CSMD1: variants seen among roughly 807,000 people sequenced by gnomAD.
The protein encoded by CSMD1 is CUB and sushi domain-containing protein 1.
A neutral mutation model predicts 417.5 loss-of-function variants in CSMD1; 213 were observed. The observed-to-expected ratio is 0.51, with a 90% CI of 0.46 to 0.57. The LOEUF is 0.57. Among genes scored for constraint, CSMD1 ranks in the 20% least tolerant of loss-of-function variants. The pLI, the probability that CSMD1 is intolerant of heterozygous loss-of-function variation, is 0.00. For missense variants in CSMD1, 6,923 were observed against 4,529.7 expected (o/e 1.53, Z -15.17); for synonymous variants, 2,862 against 1,736.8 (o/e 1.65, Z -16.11).
At chr8:3,948,215 T>C (rs980192207) in intron 5 of CSMD1, among the ~76,000 whole-genome samples, 1 of 151,762 alleles carries the variant, frequency 6.6e-6, no homozygotes, top group Admixed American at 6.6e-5. Flanking sequence ...ATAATAACAA[T>C]AATAATAATA....
chr8:3,060,190 G>A (rs1242693281), intron 49 of CSMD1, among the ~76,000 whole-genome samples: 1 of 145,786 alleles, frequency 6.9e-6, no homozygotes, highest in Non-Finnish European at 1.5e-5. Flanking sequence ...CTGTCGCCCA[G>A]GCTGGAGTGC....
At position 3,118,434 on chromosome 8, in the gene CSMD1, T is replaced by C. The variant is rs1468507589; in HGVS notation, c.6395A>G (p.Asn2132Ser). 6 of 1,613,634 alleles carry C rather than the reference T, an allele frequency of 3.7e-6. No homozygotes were observed. The South Asian group carries it at 4.4e-5, about 12-fold the overall frequency. Reference protein sequence around the residue: ...HPVLTCQHGINRNWNYPFPRC... With the variant: ...HPVLTCQHGISRNWNYPFPRC... Reference sequence around the variant, plus strand: ...TGGAAAAGGGTAGTTCCAGTTTCTGTTGATCCCATGCTGACAAGTGAGGAC... The same window carrying C: ...TGGAAAAGGGTAGTTCCAGTTTCTGCTGATCCCATGCTGACAAGTGAGGAC... The change falls in exon 42 of 70, where the codon AAC becomes AGC. Residue 2132 changes from asparagine to serine, a missense_variant. By Grantham distance (46) the Asn-to-Ser change is conservative (BLOSUM62 1). Coordinates refer to ENST00000635120, the MANE Select transcript of CSMD1 (RefSeq NM_033225.6).
chr8:4,095,227 C>G (rs1473138614), intron 3 of CSMD1, among the ~76,000 whole-genome samples: 3 of 152,166 alleles, frequency 2.0e-5, no homozygotes, highest in Non-Finnish European at 2.9e-5. Flanking sequence ...CTCTCCTTAA[C>G]TCAGGCTGAT....
chr8:3,246,959 G>C (rs1216233617), intron 26 of CSMD1, among the ~76,000 whole-genome samples: 1 of 152,134 alleles, frequency 6.6e-6, no homozygotes, highest in Non-Finnish European at 1.5e-5. Context: ...ATTGCTTATA[G>C]AACTTTTGTA....
intron 3 of CSMD1, among the ~76,000 whole-genome samples, chr8:4,076,723 G>A (rs1563091975): frequency 6.6e-6 from 1 of 152,030 alleles, no homozygotes; most frequent in Non-Finnish European, 1.5e-5. Flanking sequence ...CTCATCTCTG[G>A]CTCTCCAAGC....
intron 47 of CSMD1, among the ~76,000 whole-genome samples, chr8:3,094,943 G>T (rs994050134): frequency 4.0e-4 from 61 of 151,832 alleles, no homozygotes; most frequent in Admixed American, 1.3e-4. Context: ...TTTAAGACCA[G>T]ACAATCCTAG....
At chr8:4,785,786 A>AAGATATAAGTGTTGCCC (rs1281149429) in intron 1 of CSMD1, among the ~76,000 whole-genome samples, 20 of 152,164 alleles carry the variant, frequency 1.3e-4, no homozygotes, top group Non-Finnish European at 2.8e-4. Flanking sequence ...GGAACCTTAT[A>AAGATATAAGTGTTGCCC]AGATATAAGT....
At chr8:4,105,265 A>G (rs1338865559) in intron 3 of CSMD1, among the ~76,000 whole-genome samples, 1 of 152,206 alleles carries the variant, frequency 6.6e-6, no homozygotes, top group East Asian at 1.9e-4. Context: ...GGCCGTATTC[A>G]ACTGTAAGGT....
intron 3 of CSMD1, among the ~76,000 whole-genome samples, chr8:4,117,356 G>A (rs1250052857): frequency 2.6e-5 from 4 of 151,060 alleles, no homozygotes; most frequent in Non-Finnish European, 5.9e-5. Context: ...ATCGCCTCAT[G>A]CTTCATAACA....
At chr8:4,710,113 A>C (rs963812581) in intron 1 of CSMD1, among the ~76,000 whole-genome samples, 2 of 152,212 alleles carry the variant, frequency 1.3e-5, no homozygotes, top group East Asian at 3.9e-4. Flanking sequence ...GCAAGTTCTG[A>C]TAACCTTCGC....
At chr8:4,158,325 C>T (rs934620827) in intron 3 of CSMD1, among the ~76,000 whole-genome samples, 2 of 152,022 alleles carry the variant, frequency 1.3e-5, no homozygotes, top group African/African-American at 4.8e-5. Context: ...ATGCAATCAT[C>T]TCTACTGCAA....
At chr8:3,376,778 T>A (rs11777727) in intron 18 of CSMD1, among the ~76,000 whole-genome samples, 1 of 151,466 alleles carries the variant, frequency 6.6e-6, no homozygotes, top group Non-Finnish European at 1.5e-5. Context: ...CATGTTGATA[T>A]ACAATATTAT....
chr8:4,930,521 G>A (rs1249028096), intron 1 of CSMD1, among the ~76,000 whole-genome samples: 2 of 152,130 alleles, frequency 1.3e-5, no homozygotes, highest in African/African-American at 4.8e-5. Flanking sequence ...CGAGCATACA[G>A]CTGAGTAAGC....
intron 1 of CSMD1, among the ~76,000 whole-genome samples, chr8:4,677,438 C>T (rs1245114824): frequency 1.3e-5 from 2 of 152,030 alleles, no homozygotes; most frequent in African/African-American, 4.8e-5. Flanking sequence ...CGTTCTCTCT[C>T]CAACCTTGTT....
chr8:3,690,945 G>T (rs1332763137), intron 7 of CSMD1, among the ~76,000 whole-genome samples: 3 of 151,962 alleles, frequency 2.0e-5, no homozygotes, highest in African/African-American at 7.2e-5. Flanking sequence ...AGTAAAAGTC[G>T]GCCCCATGAT....
intron 5 of CSMD1, among the ~76,000 whole-genome samples, chr8:3,988,619 G>A (rs2037798966): frequency 6.6e-6 from 1 of 152,286 alleles, no homozygotes; most frequent in South Asian, 2.1e-4. Flanking sequence ...AGCTGGAGAG[G>A]AACGTTTAAT....
chr8:4,572,824 C>A (rs562606350), intron 2 of CSMD1, among the ~76,000 whole-genome samples: 58 of 152,210 alleles, frequency 3.8e-4, no homozygotes, highest in African/African-American at 1.0e-3. Flanking sequence ...TCCTTTCATT[C>A]TTTTTTCTCT....
At chr8:3,756,166 C>G (rs1797646197) in intron 5 of CSMD1, among the ~76,000 whole-genome samples, 1 of 151,718 alleles carries the variant, frequency 6.6e-6, no homozygotes, top group African/African-American at 2.4e-5. Flanking sequence ...ACCATCATGG[C>G]AACGGTAAAA....
intron 7 of CSMD1, among the ~76,000 whole-genome samples, chr8:3,671,314 CATT>C (rs1433198618): frequency 6.1e-5 from 9 of 147,554 alleles, no homozygotes; most frequent in Non-Finnish European, 1.0e-4. Flanking sequence ...TAAATGCTAA[CATT>C]AGTTATGTGG....
Sources: gnomAD v4.1 joint callset for allele counts (sites outside exome capture counted in the v4.1 genomes callset) on GRCh38, gnomAD v4.1.1 for gene constraint, MANE v1.5 for transcripts, NCBI Gene and HGNC (gene_info 2026-07-23, HGNC 2026-07-21) for gene names.